CSMD2: variants seen among roughly 807,000 people sequenced by gnomAD.
CSMD2 encodes CUB and Sushi multiple domains 2, also known as CUB and sushi domain-containing protein 2.
Under a neutral mutation model 398.5 loss-of-function variants are expected in CSMD2, and 130 were observed. The observed-to-expected ratio is 0.33, with a 90% CI of 0.28 to 0.38. CSMD2 has a LOEUF of 0.38. CSMD2 is among the 10% of genes least tolerant of loss of function. CSMD2 has a pLI of 1.00. For synonymous variants in CSMD2, 1,828 were observed against 1,908.5 expected (o/e 0.96, Z 1.10); for missense variants, 3,829 against 4,764.9 (o/e 0.80, Z 5.78).
chr1:34,122,033 ATC>A (rs1471678837), intron 1 of CSMD2, among the ~76,000 whole-genome samples: 9 of 141,322 alleles, frequency 6.4e-5, no homozygotes, highest in Non-Finnish European at 1.4e-4. Flanking sequence ...TCCACTTTTC[ATC>A]TCTCTTTCCA....
chr1:34,111,852 A>G (rs1046714072), intron 1 of CSMD2, among the ~76,000 whole-genome samples: 3 of 152,186 alleles, frequency 2.0e-5, no homozygotes, highest in Admixed American at 6.5e-5. Context: ...AGAGCTGACC[A>G]GAGCTAAGAA....
At chr1:33,639,002 T>C (rs780805962) in intron 29 of CSMD2, among the ~76,000 whole-genome samples, 24 of 152,234 alleles carry the variant, frequency 1.6e-4, no homozygotes, top group Non-Finnish European at 1.5e-5. Context: ...ACTTAACAAA[T>C]ATCTTCAGTG....
intron 49 of CSMD2, among the ~76,000 whole-genome samples, chr1:33,574,160 G>A (rs774055203): frequency 8.7e-4 from 132 of 152,188 alleles, no homozygotes; most frequent in Admixed American, 1.6e-3. Flanking sequence ...TTTACTTAAG[G>A]ATATACCCCA....
At chr1:33,984,111 G>A (rs1441445330) in intron 3 of CSMD2, among the ~76,000 whole-genome samples, 11 of 151,802 alleles carry the variant, frequency 7.2e-5, no homozygotes, top group East Asian at 1.9e-4. Context: ...CCGAGATCGC[G>A]CCACTGCACT....
chr1:34,008,060 GA>G (rs1219139104), intron 3 of CSMD2, among the ~76,000 whole-genome samples: 1 of 152,178 alleles, frequency 6.6e-6, no homozygotes, highest in Non-Finnish European at 1.5e-5. Context: ...ATGCTTTATG[GA>G]GTGCGCAAAA....
chr1:33,621,245 T>C (rs1641750185), intron 37 of CSMD2, among the ~76,000 whole-genome samples: 1 of 152,248 alleles, frequency 6.6e-6, no homozygotes, highest in Non-Finnish European at 1.5e-5. Context: ...CCTTGTCTTA[T>C]TGACCTTTGT....
At chr1:34,082,572 T>C (rs1050922015) in intron 2 of CSMD2, among the ~76,000 whole-genome samples, 1 of 152,024 alleles carries the variant, frequency 6.6e-6, no homozygotes, top group Admixed American at 6.6e-5. Context: ...GTCTGGGAGG[T>C]GTACCCAACA....
chr1:33,574,699 T>C (rs1659905962), intron 49 of CSMD2, among the ~76,000 whole-genome samples: 1 of 152,090 alleles, frequency 6.6e-6, no homozygotes, highest in African/African-American at 2.4e-5. Flanking sequence ...AATACCAAGA[T>C]GGAAGAAGGA....
At chr1:33,759,208 A>AAAG (rs1216997556) in intron 13 of CSMD2, among the ~76,000 whole-genome samples, 1 of 152,116 alleles carries the variant, frequency 6.6e-6, no homozygotes, top group African/African-American at 2.4e-5. Context: ...GGTGAACTGT[A>AAAG]AGTGGAAAGG....
In CSMD2 at chr1:34,078,043, C is replaced by T. The variant is rs183110550; in HGVS notation, c.404+10934G>A. Among the ~76,000 whole-genome samples the T allele has an allele frequency of 6.3e-4, 96 of 152,092 alleles. 2 individuals carry two copies. The highest frequency in any genetic ancestry group is 2.8e-3 in the Admixed American group (42 of 15,268). ...AGAGACTAGGTTTTACTGTGTTGCCCGTGCTAGTCTTGAATTCCCAGGTTC... is the reference window on the plus strand; with the variant it reads ...AGAGACTAGGTTTTACTGTGTTGCCTGTGCTAGTCTTGAATTCCCAGGTTC... On this transcript the variant is annotated intron_variant, in intron 2 of 70. Transcript: ENST00000373381.
chr1:33,806,741 T>G (rs1399499277), intron 10 of CSMD2, among the ~76,000 whole-genome samples: 1 of 152,148 alleles, frequency 6.6e-6, no homozygotes, highest in African/African-American at 2.4e-5. Flanking sequence ...CAAATAGGGC[T>G]TCATAAAGTG....
At chr1:33,612,875 T>C (rs1414511206) in intron 40 of CSMD2, among the ~76,000 whole-genome samples, 2 of 152,198 alleles carry the variant, frequency 1.3e-5, no homozygotes, top group Admixed American at 1.3e-4. Flanking sequence ...AGAGACGGGT[T>C]TTCACCGTGT....
chr1:33,821,475 C>A (rs190803750), intron 7 of CSMD2, among the ~76,000 whole-genome samples: 180 of 152,290 alleles, frequency 1.2e-3, no homozygotes, highest in African/African-American at 3.8e-3. Context: ...CAAAGCCTCA[C>A]CAATCCCATG....
chr1:33,795,449 G>A (rs1654840758), intron 10 of CSMD2, among the ~76,000 whole-genome samples: 1 of 152,114 alleles, frequency 6.6e-6, no homozygotes, highest in Admixed American at 6.5e-5. Flanking sequence ...ACATAAGAAG[G>A]GCATCTCTGC....
chr1:33,920,542 CAAA>C (rs58865984), intron 4 of CSMD2, among the ~76,000 whole-genome samples: 2 of 84,212 alleles, frequency 2.4e-5, no homozygotes, highest in African/African-American at 7.4e-5. Context: ...CAATCTGTCT[CAAA>C]AAAAAAAAAA....
intron 12 of CSMD2, among the ~76,000 whole-genome samples, chr1:33,782,686 C>T (rs139174462): frequency 6.6e-6 from 1 of 152,302 alleles, no homozygotes; most frequent in East Asian, 1.9e-4. Flanking sequence ...ATCCTCATTA[C>T]AATTTAATTC....
intron 4 of CSMD2, among the ~76,000 whole-genome samples, chr1:33,932,425 A>G (rs1410928816): frequency 6.6e-6 from 1 of 152,192 alleles, no homozygotes; most frequent in Non-Finnish European, 1.5e-5. Context: ...AAGGAGGGAA[A>G]GAATCATCAT....
At chr1:33,756,063 G>C (rs1441842046) in intron 13 of CSMD2, among the ~76,000 whole-genome samples, 1 of 152,090 alleles carries the variant, frequency 6.6e-6, no homozygotes, top group East Asian at 1.9e-4. Context: ...CCTTCTCCAG[G>C]TTTTCCATCT....
chr1:33,516,222 C>T lies in CSMD2; in HGVS notation c.*402G>A, dbSNP rs1653753050. 1 of 152,104 alleles carries T rather than the reference C, an allele frequency of 6.6e-6. No homozygotes were observed. The highest frequency in any genetic ancestry group is 1.5e-5 in the Non-Finnish European group (1 of 68,034). The allele number at this position is 152,104 out of a possible 1,614,324, so 9.4% of individuals were successfully genotyped here. On this transcript the variant is annotated 3_prime_UTR_variant, in exon 71 of 71. Coordinates refer to ENST00000373381, the MANE Select transcript of CSMD2 (RefSeq NM_001281956.2). ...GTGTGGGGAACAGGGCATGAAGCATCCTTCATGCGCACTTCTAGTTTTGAA... is the reference window on the plus strand; with the variant it reads ...GTGTGGGGAACAGGGCATGAAGCATTCTTCATGCGCACTTCTAGTTTTGAA...
Sources: allele counts gnomAD v4.1 joint callset (sites outside exome capture counted in the v4.1 genomes callset), GRCh38; gene constraint gnomAD v4.1.1; transcripts MANE v1.5; gene names NCBI Gene and HGNC (gene_info 2026-07-23, HGNC 2026-07-21).